Variants in CASK observed in about 807,000 individuals in gnomAD.
CASK encodes the protein calcium/calmodulin dependent serine protein kinase.
CASK carries 4 observed loss-of-function variants against 82.9 expected under a neutral mutation model. The observed-to-expected ratio is 0.05, with a 90% CI of 0.02 to 0.11. The LOEUF (loss-of-function observed/expected upper bound fraction) is 0.11. Ranked by LOEUF, CASK falls within the 10% of genes least tolerant of loss-of-function variation. The pLI, the probability that CASK is intolerant of heterozygous loss-of-function variation, is 1.00. For synonymous variants in CASK, 259 were observed against 253.5 expected, an observed-to-expected ratio of 1.02 and a Z score of -0.20; for missense variants, 358 against 720.9, an observed-to-expected ratio of 0.50 and a Z score of 5.76.
intron 1 of CASK, among the ~76,000 whole-genome samples, chrX:41,890,641 T>C (rs2072148130): frequency 9.0e-6 from 1 of 111,584 alleles, no homozygotes; most frequent in Non-Finnish European, 1.9e-5. Context: ...TGATTAGATT[T>C]TGACCATGGT....
intron 5 of CASK, among the ~76,000 whole-genome samples, chrX:41,717,002 G>A (rs910220130): frequency 9.1e-6 from 1 of 110,418 alleles, no homozygotes; most frequent in African/African-American, 3.3e-5. Flanking sequence ...GCTGTTTCTT[G>A]CTCGTTGCCC....
intron 5 of CASK, among the ~76,000 whole-genome samples, chrX:41,733,029 A>C (rs2068426827): frequency 9.1e-6 from 1 of 110,345 alleles, no homozygotes; most frequent in South Asian, 3.8e-4. Flanking sequence ...AAAAAAAATT[A>C]GCTGAGCGTA....
intron 1 of CASK, among the ~76,000 whole-genome samples, chrX:41,885,836 T>C (rs1051209703): frequency 1.6e-4 from 18 of 111,968 alleles, no homozygotes; most frequent in Non-Finnish European, 1.3e-4. Flanking sequence ...ATTTGCCAGA[T>C]AGAAGAAATA....
chrX:41,582,116 A>T (rs1259958983), intron 14 of CASK, among the ~76,000 whole-genome samples: 1 of 110,718 alleles, frequency 9.0e-6, no homozygotes, highest in African/African-American at 3.3e-5. Context: ...CCTTTCTCCA[A>T]GCCTCTACAA....
intron 12 of CASK, among the ~76,000 whole-genome samples, chrX:41,597,115 G>A (rs972352113): frequency 8.9e-6 from 1 of 111,948 alleles, no homozygotes; most frequent in Non-Finnish European, 1.9e-5. Context: ...AGAAACCTGT[G>A]TTTTGCTCAT....
At chrX:41,627,232 T>C (rs1328162920) in intron 9 of CASK, among the ~76,000 whole-genome samples, 2 of 111,620 alleles carry the variant, frequency 1.8e-5, no homozygotes, top group Non-Finnish European at 3.8e-5. Flanking sequence ...TACTTTTGTA[T>C]AGTAATTCTC....
chrX:41,587,335 G>A (rs1476169534), intron 13 of CASK: 1 of 135,502 alleles, frequency 7.4e-6, no homozygotes, highest in Non-Finnish European at 1.5e-5. Context: ...AAATCAATAT[G>A]GACAAAAAGT....
chrX:41,901,890 G>T (rs760118863), intron 1 of CASK, among the ~76,000 whole-genome samples: 4 of 111,999 alleles, frequency 3.6e-5, no homozygotes, highest in Non-Finnish European at 7.5e-5. Context: ...CCTGGTGCTA[G>T]AATGAGCCTG....
At chrX:41,764,659 C>T (rs972176197) in intron 3 of CASK, among the ~76,000 whole-genome samples, 4 of 111,635 alleles carry the variant, frequency 3.6e-5, no homozygotes, top group African/African-American at 1.3e-4. Flanking sequence ...AAACCCTATC[C>T]TTTCTAATTC....
intron 5 of CASK, among the ~76,000 whole-genome samples, chrX:41,725,206 C>T (rs1282989032): frequency 9.0e-6 from 1 of 111,496 alleles, no homozygotes; most frequent in African/African-American, 3.3e-5. Context: ...GTTATTTAAA[C>T]CCACAGACAC....
intron 3 of CASK, among the ~76,000 whole-genome samples, chrX:41,758,906 T>C (rs1174381679): frequency 1.8e-5 from 2 of 112,066 alleles, no homozygotes; most frequent in African/African-American, 6.5e-5. Flanking sequence ...CCAATTGTAG[T>C]TCTTTTGGTG....
intron 1 of CASK, among the ~76,000 whole-genome samples, chrX:41,914,137 T>C (rs111399724): frequency 6.7e-4 from 75 of 112,176 alleles, no homozygotes; most frequent in African/African-American, 2.3e-3. Flanking sequence ...TGTACTTCTA[T>C]CCTAGATTTA....
At position 41,923,133 on chromosome X, in the gene CASK, C is replaced by G. The variant is rs2072817863; in HGVS notation, c.-145G>C. ...TGCCGAGGACGCTCGAGTGGGGCCG[C>G]GAGGCCCAGAGACTGCGGCGCCTTC... is the stretch of plus-strand genomic sequence containing the variant. On this transcript the variant is annotated 5_prime_UTR_variant, in exon 1 of 27. Transcript: ENST00000378163. 1 of 433,011 alleles carries G rather than the reference C, an allele frequency of 2.3e-6. No individual in the cohort carries two copies. The highest frequency in any genetic ancestry group is 3.9e-6 in the Non-Finnish European group (1 of 257,989). The allele number at this position is 433,011 out of a possible 1,213,427, so 35.7% of individuals were successfully genotyped here. A position where few individuals can be genotyped will look rare whatever the true frequency, so the allele number is the denominator to read the frequency against.
At chrX:41,921,484 G>A (rs914745197) in intron 1 of CASK, among the ~76,000 whole-genome samples, 32 of 111,836 alleles carry the variant, frequency 2.9e-4, no homozygotes, top group African/African-American at 1.0e-3. Flanking sequence ...TATTAAATGT[G>A]GCTACTAGAA....
At chrX:41,627,363 A>C (rs986571593) in intron 9 of CASK, among the ~76,000 whole-genome samples, 1 of 112,101 alleles carries the variant, frequency 8.9e-6, no homozygotes, top group African/African-American at 3.2e-5. Context: ...AGGACTGTAG[A>C]GTGGAAAAAT....
At chrX:41,912,565 TC>T (rs1390982975) in intron 1 of CASK, among the ~76,000 whole-genome samples, 1 of 107,728 alleles carries the variant, frequency 9.3e-6, no homozygotes, top group East Asian at 3.0e-4. Context: ...ACCTCAGCCT[TC>T]CAACGTGCTG....
At chrX:41,854,600 C>T (rs772299416) in intron 1 of CASK, among the ~76,000 whole-genome samples, 16 of 112,205 alleles carry the variant, frequency 1.4e-4, no homozygotes, top group Non-Finnish European at 2.6e-4. Context: ...TGTGATACTG[C>T]TGGCCTTAAA....
chrX:41,557,351 C>A (rs1323303896), intron 18 of CASK, among the ~76,000 whole-genome samples: 3 of 111,413 alleles, frequency 2.7e-5, no homozygotes, highest in Non-Finnish European at 5.7e-5. Context: ...CATTCTATAC[C>A]TTTTCTTTCT....
chrX:41,751,211 T>C (rs899236313), intron 3 of CASK, among the ~76,000 whole-genome samples: 2 of 111,777 alleles, frequency 1.8e-5, no homozygotes, highest in Non-Finnish European at 3.8e-5. Flanking sequence ...GCCTCTGAAG[T>C]AGCTGTGACT....
Sources: allele counts gnomAD v4.1 joint callset (sites outside exome capture counted in the v4.1 genomes callset), GRCh38; gene constraint gnomAD v4.1.1; transcripts MANE v1.5; gene names NCBI Gene and HGNC (gene_info 2026-07-23, HGNC 2026-07-21).